The following CENPP variants were observed in gnomAD, a reference collection of about 807,000 sequenced individuals.
CENPP encodes centromere protein P.
A neutral mutation model predicts 35.6 loss-of-function variants in CENPP; 24 were observed. The ratio of observed to expected loss-of-function variants is 0.67; its 90% CI spans 0.49 to 0.95. CENPP has a LOEUF of 0.95. Among genes scored for constraint, CENPP ranks in the 40% least tolerant of loss-of-function variants. The pLI, the probability that CENPP is intolerant of heterozygous loss-of-function variation, is 0.00. For synonymous variants in CENPP, 120 were observed against 125.5 expected, an observed-to-expected ratio of 0.96 and a Z score of 0.29; for missense variants, 332 against 345.3, an observed-to-expected ratio of 0.96 and a Z score of 0.31.
chr9:92,418,690 T>C (rs1843693984), intron 5 of CENPP, among the ~76,000 whole-genome samples: 1 of 152,190 alleles, frequency 6.6e-6, no homozygotes, highest in Admixed American at 6.5e-5. Context: ...TGCTGATACC[T>C]TTTTCTGCCC....
At chr9:92,395,604 A>T (rs930896690) in intron 5 of CENPP, among the ~76,000 whole-genome samples, 2 of 152,154 alleles carry the variant, frequency 1.3e-5, no homozygotes, top group Admixed American at 1.3e-4. Context: ...TTTCCAAAGG[A>T]CTGTGCCATT....
At chr9:92,515,811 C>A (rs1032187663) in intron 5 of CENPP, among the ~76,000 whole-genome samples, 4 of 152,200 alleles carry the variant, frequency 2.6e-5, no homozygotes, top group African/African-American at 9.6e-5. Flanking sequence ...ATACTTAAAT[C>A]ATCTTTACTA....
chr9:92,541,416 C>T (rs1849316357), intron 5 of CENPP, among the ~76,000 whole-genome samples: 1 of 85,214 alleles, frequency 1.2e-5, no homozygotes, highest in South Asian at 3.8e-4. Context: ...CCCCTTCCCC[C>T]TCCCCACCCC....
At chr9:92,406,902 G>A (rs1421575905) in intron 5 of CENPP, among the ~76,000 whole-genome samples, 1 of 152,114 alleles carries the variant, frequency 6.6e-6, no homozygotes, top group East Asian at 1.9e-4. Flanking sequence ...GATACCAACA[G>A]CAATTTCAGG....
At chr9:92,563,232 A>G (rs1849888299) in intron 5 of CENPP, among the ~76,000 whole-genome samples, 1 of 152,146 alleles carries the variant, frequency 6.6e-6, no homozygotes, top group African/African-American at 2.4e-5. Context: ...TCCCTGACTT[A>G]AATATCATGC....
chr9:92,512,191 G>T, intron 5 of CENPP: 3 of 1,031,592 alleles, frequency 2.9e-6, no homozygotes, highest in South Asian at 1.4e-5. Context: ...CACATGTATG[G>T]GCATGTGTGC....
chr9:92,555,832 A>G (rs1849712587), intron 5 of CENPP, among the ~76,000 whole-genome samples: 2 of 152,174 alleles, frequency 1.3e-5, no homozygotes, highest in South Asian at 2.1e-4. Flanking sequence ...TATCTTTTCA[A>G]AGAAGCAGAT....
chr9:92,547,754 A>G (rs1209944067), intron 5 of CENPP, among the ~76,000 whole-genome samples: 2 of 152,254 alleles, frequency 1.3e-5, no homozygotes, highest in Non-Finnish European at 2.9e-5. Flanking sequence ...AACTAGGAAT[A>G]TACTAAAAAC....
At chr9:92,418,276 G>A (rs2761677) in intron 5 of CENPP, among the ~76,000 whole-genome samples, 55,572 of 151,170 alleles carry the variant, frequency 0.37, 12,546 homozygotes, top group African/African-American at 0.64. Context: ...TAGTAGAGAC[G>A]GGGTTTCTCC....
chr9:92,471,664 C>CTT (rs569488274), intron 5 of CENPP, among the ~76,000 whole-genome samples: 6 of 135,752 alleles, frequency 4.4e-5, no homozygotes, highest in South Asian at 2.4e-4. Flanking sequence ...ATATATTATT[C>CTT]TTTTTTTTTT....
intron 5 of CENPP, among the ~76,000 whole-genome samples, chr9:92,532,967 G>C (rs1184388352): frequency 6.6e-6 from 1 of 151,984 alleles, no homozygotes; most frequent in Non-Finnish European, 1.5e-5. Flanking sequence ...ATAGAATATT[G>C]AGTGATTTGA....
intron 5 of CENPP, among the ~76,000 whole-genome samples, chr9:92,481,129 C>T (rs1320489062): frequency 6.6e-6 from 1 of 152,172 alleles, no homozygotes; most frequent in Non-Finnish European, 1.5e-5. Context: ...TATGATGTTT[C>T]CCACAGTGCC....
chr9:92,359,034 C>T (rs1424914882), intron 4 of CENPP, among the ~76,000 whole-genome samples: 1 of 148,296 alleles, frequency 6.7e-6, no homozygotes, highest in African/African-American at 2.5e-5. Flanking sequence ...ACTGCAACCT[C>T]TGCCTCCCAG....
At chr9:92,521,021 A>T (rs2131237695) in intron 5 of CENPP, among the ~76,000 whole-genome samples, 1 of 152,328 alleles carries the variant, frequency 6.6e-6, no homozygotes, top group East Asian at 1.9e-4. Flanking sequence ...CAGAAACAAG[A>T]TAGTGGTGAT....
chr9:92,393,665 G>A (rs868678815), intron 5 of CENPP, among the ~76,000 whole-genome samples: 1 of 152,238 alleles, frequency 6.6e-6, no homozygotes, highest in East Asian at 1.9e-4. Flanking sequence ...TAGAGTAATC[G>A]TAGGCACTGT....
Position 92,618,495 on chromosome 9 carries a change from A to T in CENPP, c.*5346A>T, listed in dbSNP as rs1340171215. On this transcript the variant is annotated 3_prime_UTR_variant, in exon 8 of 8. Coordinates refer to ENST00000375587, the MANE Select transcript of CENPP (RefSeq NM_001012267.3). Reference sequence around the variant, plus strand: ...CCCACCTAAGGGCACCCTGCATCCAAGCACATTTCCATTGCCCAGCTGCAT... The same window carrying T: ...CCCACCTAAGGGCACCCTGCATCCATGCACATTTCCATTGCCCAGCTGCAT... The T allele has an allele frequency of 2.2e-6, 1 of 456,668 alleles. No homozygotes were observed. The highest frequency in any genetic ancestry group is 1.5e-5 in the South Asian group (1 of 64,568). 28.3% of individuals were successfully genotyped at this position (456,668 alleles called of 1,614,324 possible). A position where few individuals can be genotyped will look rare whatever the true frequency, so the allele number is the denominator to read the frequency against.
rs187318056 is a variant in CENPP, at chr9:92,418,972, T to C, written c.564+39113T>C. Among the ~76,000 whole-genome samples, 164 of 152,272 alleles carry C rather than the reference T, an allele frequency of 1.1e-3. 1 individual carries two copies. Among genetic ancestry groups the C allele is most frequent in the African/African-American group, 3.9e-3 (163 of 41,550 alleles). On this transcript the variant is annotated intron_variant, in intron 5 of 7. Transcript: ENST00000375587. ...CTTTTTTCCATTAATATATTTAAGT[T>C]TTAGATACAAAAATATTATTAAAAA...
chr9:92,454,193 G>GT (rs1024246625), intron 5 of CENPP, among the ~76,000 whole-genome samples: 1 of 152,084 alleles, frequency 6.6e-6, no homozygotes. Flanking sequence ...TTAGTGATTT[G>GT]TTTTTTGCAA....
chr9:92,497,313 TATACTG>T (rs1846401964), intron 5 of CENPP, among the ~76,000 whole-genome samples: 1 of 150,594 alleles, frequency 6.6e-6, no homozygotes, highest in Non-Finnish European at 1.5e-5. Flanking sequence ...TGGGGAGTGA[TATACTG>T]ATACTTTTAA....
Sources: allele counts gnomAD v4.1 joint callset (sites outside exome capture counted in the v4.1 genomes callset), GRCh38; gene constraint gnomAD v4.1.1; transcripts MANE v1.5; gene names NCBI Gene and HGNC (gene_info 2026-07-23, HGNC 2026-07-21).